STXBP5: variants seen among roughly 807,000 people sequenced by gnomAD.
STXBP5 encodes syntaxin-binding protein 5.
STXBP5 carries 50 observed loss-of-function variants against 152.4 expected under a neutral mutation model. The ratio of observed to expected loss-of-function variants is 0.33; its 90% CI spans 0.26 to 0.42. STXBP5 has a LOEUF of 0.42. STXBP5 is among the 10% of genes least tolerant of loss of function. STXBP5 has a pLI of 1.00. For missense variants in STXBP5, 1,167 were observed against 1,388.6 expected (o/e 0.84, Z 2.54); for synonymous variants, 492 against 494.7 (o/e 0.99, Z 0.07).
At chr6:147,333,417 G>C (rs1014917530) in intron 18 of STXBP5, among the ~76,000 whole-genome samples, 1 of 152,118 alleles carries the variant, frequency 6.6e-6, no homozygotes, top group Non-Finnish European at 1.5e-5. Context: ...CCAGCTACTT[G>C]GGAGGCCGAG....
At chr6:147,295,612 T>G (rs1254948008) in intron 9 of STXBP5, among the ~76,000 whole-genome samples, 1 of 152,206 alleles carries the variant, frequency 6.6e-6, no homozygotes, top group East Asian at 1.9e-4. Context: ...ACCCTGACTC[T>G]GCTGCCCTGT....
chr6:147,260,935 T>C (rs1203271461), intron 5 of STXBP5, among the ~76,000 whole-genome samples, 186 bp downstream of exon 5: 2 of 152,148 alleles, frequency 1.3e-5, no homozygotes, highest in Admixed American at 6.6e-5. Flanking sequence ...ATTTAAATTA[T>C]GCATATGTAT....
intron 16 of STXBP5, among the ~76,000 whole-genome samples, chr6:147,324,129 T>A (rs1232030868): frequency 6.6e-6 from 1 of 152,230 alleles, no homozygotes; most frequent in East Asian, 1.9e-4. Flanking sequence ...GGTAGATTTG[T>A]TTTACAGTGA....
intron 2 of STXBP5, among the ~76,000 whole-genome samples, chr6:147,213,477 T>TGTGTGCGCGCGCGCGCGCGCGC: frequency 2.0e-4 from 26 of 131,312 alleles, no homozygotes; most frequent in Non-Finnish European, 3.3e-4. Flanking sequence ...TGTGTGTGTG[T>TGTGTGCGCGCGCGCGCGCGCGC]GCGCGCGCAT....
chr6:147,282,159 T>A (rs1780732364), intron 8 of STXBP5, among the ~76,000 whole-genome samples: 1 of 152,236 alleles, frequency 6.6e-6, no homozygotes, highest in African/African-American at 2.4e-5. Context: ...CTTGGTAGAA[T>A]GGATTAGTGA....
chr6:147,373,489 T>C lies in STXBP5; in HGVS notation c.3082-242T>C, dbSNP rs906622818. 3.3e-5 allele frequency among the ~76,000 whole-genome samples: 5 copies of C among 150,618 alleles called. No homozygotes were observed. In the Admixed American group the frequency reaches 3.3e-4, roughly 10 times the overall value. On this transcript the variant is annotated intron_variant, in intron 25 of 27. Coordinates refer to ENST00000321680, the MANE Select transcript of STXBP5 (RefSeq NM_001127715.4). ...ATCTCCTGACACTCTTAAGCAAAAA[T>C]ACTGTTTGCCTAAAATGCAAACAAA...
intron 4 of STXBP5, among the ~76,000 whole-genome samples, chr6:147,243,244 A>G (rs558949232): frequency 1.3e-5 from 2 of 152,166 alleles, no homozygotes; most frequent in Non-Finnish European, 2.9e-5. Context: ...TATCCTTACT[A>G]ACATTTGGTA....
intron 9 of STXBP5, among the ~76,000 whole-genome samples, chr6:147,305,677 T>C (rs949032958): frequency 6.6e-6 from 1 of 152,158 alleles, no homozygotes; most frequent in African/African-American, 2.4e-5. Flanking sequence ...GAAATTTGAG[T>C]TAAGAATTTT....
chr6:147,278,363 T>C (rs75343413), intron 8 of STXBP5, among the ~76,000 whole-genome samples, 159 bp downstream of exon 8: 3,173 of 152,304 alleles, frequency 0.021, 98 homozygotes, highest in African/African-American at 0.072. Flanking sequence ...AGAAATAGTA[T>C]CTAACAACCA....
At chr6:147,373,904 T>A (rs545912250) in intron 26 of STXBP5, 62 bp downstream of exon 26, 12 of 1,244,096 alleles carry the variant, frequency 9.6e-6, no homozygotes, top group South Asian at 2.7e-5. Flanking sequence ...CATACAAAAA[T>A]TTTTTTATAC....
intron 16 of STXBP5, among the ~76,000 whole-genome samples, chr6:147,324,646 G>C (rs764540752): frequency 1.5e-4 from 22 of 151,526 alleles, no homozygotes; most frequent in African/African-American, 5.1e-4. Context: ...TTGGACTGCC[G>C]CTTCTCCTCA....
At chr6:147,327,091 T>A in intron 17 of STXBP5, 34 bp from the exon 18 acceptor site, 1 of 1,593,984 alleles carries the variant, frequency 6.3e-7, no homozygotes, top group Non-Finnish European at 8.5e-7. Flanking sequence ...ATTATTTGTT[T>A]GTGCTAAAAT....
At chr6:147,212,423 A>G (rs1216434960) in intron 2 of STXBP5, among the ~76,000 whole-genome samples, 2 of 152,096 alleles carry the variant, frequency 1.3e-5, no homozygotes, top group Non-Finnish European at 2.9e-5. Context: ...GAATTGCCTT[A>G]TTATTAGGAG....
chr6:147,233,190 T>A (rs1778091629), intron 2 of STXBP5, among the ~76,000 whole-genome samples: 1 of 151,780 alleles, frequency 6.6e-6, no homozygotes, highest in Non-Finnish European at 1.5e-5. Flanking sequence ...TTGAAAGACT[T>A]CATGAAGGTC....
intron 8 of STXBP5, among the ~76,000 whole-genome samples, chr6:147,286,032 A>G (rs1780944117): frequency 1.3e-5 from 2 of 152,296 alleles, no homozygotes; most frequent in East Asian, 1.9e-4. Context: ...TTTTTTACTG[A>G]AAGGTCATAT....
chr6:147,376,968 A>G (rs2128420778), intron 26 of STXBP5, among the ~76,000 whole-genome samples: 1 of 152,314 alleles, frequency 6.6e-6, no homozygotes, highest in East Asian at 1.9e-4. Flanking sequence ...AAGAAAAATT[A>G]GACATTAAGG....
chr6:147,282,666 G>T (rs533460538), intron 8 of STXBP5, among the ~76,000 whole-genome samples: 9 of 152,036 alleles, frequency 5.9e-5, no homozygotes, highest in Non-Finnish European at 1.0e-4. Flanking sequence ...CTCTCCCATG[G>T]CAGATAGGGT....
In STXBP5 at chr6:147,387,530, A is replaced by G. The variant is rs1786398534; in HGVS notation, c.*2775A>G. On this transcript the variant is annotated 3_prime_UTR_variant, in exon 28 of 28. Coordinates refer to ENST00000321680, the MANE Select transcript of STXBP5 (RefSeq NM_001127715.4). ...CTAAAATCCATATGTATTTGCTGAG[A>G]AAGTTATTTGAAATCTTATATTCTG... 1 of 151,754 alleles carries G rather than the reference A, an allele frequency of 6.6e-6. No individual in the cohort carries two copies. The highest frequency in any genetic ancestry group is 1.5e-5 in the Non-Finnish European group (1 of 67,752). 9.4% of individuals were successfully genotyped at this position (151,754 alleles called of 1,614,324 possible). A position where few individuals can be genotyped will look rare whatever the true frequency, so the allele number is the denominator to read the frequency against.
At chr6:147,373,167 G>T (rs1016528012) in intron 25 of STXBP5, among the ~76,000 whole-genome samples, 10 of 151,928 alleles carry the variant, frequency 6.6e-5, no homozygotes, top group Non-Finnish European at 1.0e-4. Context: ...AGGAGTTCAA[G>T]ATCAGCCTGG....
Sources: gnomAD v4.1 joint callset for allele counts (sites outside exome capture counted in the v4.1 genomes callset) on GRCh38, gnomAD v4.1.1 for gene constraint, MANE v1.5 for transcripts, NCBI Gene and HGNC (gene_info 2026-07-23, HGNC 2026-07-21) for gene names.